Variants in C1GALT1C1 observed in about 807,000 individuals in gnomAD.
The protein encoded by C1GALT1C1 is C1GALT1-specific chaperone 1.
For synonymous variants in C1GALT1C1, 77 were observed against 77.9 expected (o/e 0.99, Z 0.06); for missense variants, 176 against 234.7 (o/e 0.75, Z 1.63).
intron 1 of C1GALT1C1, 137 bp from the exon 2 acceptor site, chrX:120,627,308 G>C (rs1927213268): frequency 2.5e-6 from 1 of 400,757 alleles, no homozygotes; most frequent in Admixed American, 5.0e-5. Flanking sequence ...AATCAAGTTA[G>C]TTGCATATAG....
At position 120,626,962 on chromosome X, in the gene C1GALT1C1, C is replaced by T. The variant is rs767681789; in HGVS notation, c.205G>A (p.Val69Ile). ...GGTTTTACAAGGATAATACAGTATA[C>T]TCGAAAGCTCTTACTGAGCTCCATG... ...ERMELSKSFR[V>I]YCIILVKPKD... The change falls in exon 2 of 2, where the codon GTA (valine) becomes ATA (isoleucine). Residue 69 changes from valine (V) to isoleucine (I), a missense_variant. By Grantham distance (29) the Val-to-Ile change is conservative (BLOSUM62 3). Transcript: ENST00000304661. 8.3e-7 allele frequency: 1 copy of T among 1,211,130 alleles called. No homozygotes were observed. The highest frequency in any genetic ancestry group is 1.8e-5 in the South Asian group (1 of 56,957).
At position 120,626,128 on chromosome X, in the gene C1GALT1C1, G is replaced by A; in HGVS notation, c.*82C>T. 1.1e-6 allele frequency: 1 copy of A among 871,808 alleles called. No individual in the cohort carries two copies. The highest frequency in any genetic ancestry group is 3.1e-5 in the East Asian group (1 of 32,117). 71.8% of individuals were successfully genotyped at this position (871,808 alleles called of 1,213,427 possible). ...AGAAAAGAAAAAGAAACATACAGCT[G>A]TATTGGATATGTAGTTACTACTACA... On this transcript the variant is annotated 3_prime_UTR_variant, in exon 2 of 2. Transcript: ENST00000304661.
Position 120,626,316 on chromosome X carries a change from T to G in C1GALT1C1, c.851A>C (p.Asn284Thr). 1 of 1,212,374 alleles carries G rather than the reference T, an allele frequency of 8.2e-7. No homozygotes were observed. Among genetic ancestry groups the G allele is most frequent in the African/African-American group, 1.7e-5 (1 of 58,054 alleles). The stretch of plus-strand genomic sequence containing the variant: ...CCCATACATCATCACATGCATCTGA[T>G]TTGGAGTCAGTCCATTAAAAGTAAC... ...MAVTFNGLTP[N>T]QMHVMMYGVY... The change falls in exon 2 of 2, where the codon AAT becomes ACT. Residue 284 changes from asparagine to threonine, a missense_variant. Transcript: ENST00000304661.
chrX:120,626,090 G>C lies in C1GALT1C1; in HGVS notation c.*120C>G. ...CTGACTTTAATGTGTGGTTATACCA[G>C]TGCCACCAAATTAGAAAAGAAAAAG... On this transcript the variant is annotated 3_prime_UTR_variant, in exon 2 of 2. Transcript: ENST00000304661. The C allele has an allele frequency of 1.5e-6, 1 of 683,412 alleles. No individual in the cohort carries two copies. Among genetic ancestry groups the C allele is most frequent in the East Asian group, 3.3e-5 (1 of 30,700 alleles). The allele number at this position is 683,412 out of a possible 1,213,427, so 56.3% of individuals were successfully genotyped here.
intron 1 of C1GALT1C1, among the ~76,000 whole-genome samples, chrX:120,628,912 A>G (rs1183646094): frequency 1.8e-5 from 2 of 112,022 alleles, no homozygotes; most frequent in Non-Finnish European, 3.8e-5. Flanking sequence ...GAGAAGTGAC[A>G]GAAAACAAGC....
At position 120,625,950 on chromosome X, in the gene C1GALT1C1, A is replaced by G. The variant is rs1033003076; in HGVS notation, c.*260T>C. The G allele has an allele frequency of 3.9e-5, 10 of 256,633 alleles. No individual in the cohort carries two copies. Among genetic ancestry groups the G allele is most frequent in the African/African-American group, 2.8e-4 (10 of 35,829 alleles). 21.1% of individuals were successfully genotyped at this position (256,633 alleles called of 1,213,427 possible). A position where few individuals can be genotyped will look rare whatever the true frequency, so the allele number is the denominator to read the frequency against. Reference sequence around the variant, plus strand: ...CATAATTTAGAATTTATCACATATAATATTTATTAATAGTTTATTTGCAAA... The same window carrying G: ...CATAATTTAGAATTTATCACATATAGTATTTATTAATAGTTTATTTGCAAA... On this transcript the variant is annotated 3_prime_UTR_variant, in exon 2 of 2. Coordinates refer to ENST00000304661, the MANE Select transcript of C1GALT1C1 (RefSeq NM_001011551.3).
chrX:120,629,173 G>C (rs1403026906), intron 1 of C1GALT1C1, among the ~76,000 whole-genome samples: 1 of 109,181 alleles, frequency 9.2e-6, no homozygotes, highest in Non-Finnish European at 1.9e-5. Flanking sequence ...GTTGCAGGCA[G>C]TGAGCCAAGA....
intron 1 of C1GALT1C1, 182 bp from the exon 2 acceptor site, chrX:120,627,353 G>A (rs1927215619): frequency 3.2e-6 from 1 of 311,299 alleles, no homozygotes; most frequent in African/African-American, 2.7e-5. Context: ...GCTTCCAATG[G>A]AATCTGATTA....
rs368394798 is a variant in C1GALT1C1, at chrX:120,626,573, G to A, written c.594C>T (p.Asn198=). 3.9e-5 allele frequency: 47 copies of A among 1,209,798 alleles called. No individual in the cohort carries two copies. Among genetic ancestry groups the A allele is most frequent in the Non-Finnish European group, 4.8e-5 (43 of 894,712 alleles). Residue 198 remains asparagine, a synonymous_variant, in exon 2 of 2, where the codon AAC becomes AAT. Coordinates refer to ENST00000304661, the MANE Select transcript of C1GALT1C1 (RefSeq NM_001011551.3). ...VLSVESMKRL[N]SLLNIPEKCP... ...ACTTTTCTGGGATATTGAGAAGGCT[G>A]TTAAGTCTTTTCATTGATTCTACAC...
intron 1 of C1GALT1C1, 179 bp from the exon 2 acceptor site, chrX:120,627,350 A>G (rs1889262209): frequency 3.2e-6 from 1 of 314,683 alleles, no homozygotes; most frequent in African/African-American, 2.6e-5. Context: ...TTAGCTTCCA[A>G]TGGAATCTGA....
At chrX:120,627,426 A>G (rs1415064478) in intron 1 of C1GALT1C1, 3 of 224,666 alleles carry the variant, frequency 1.3e-5, no homozygotes, top group Non-Finnish European at 2.4e-5. Flanking sequence ...TTTGCACTTC[A>G]TCTATGGGGA....
At chrX:120,628,837 G>A (rs755525096) in intron 1 of C1GALT1C1, among the ~76,000 whole-genome samples, 19 of 111,776 alleles carry the variant, frequency 1.7e-4, no homozygotes, top group Non-Finnish European at 3.0e-4. Context: ...GGTGGGTGGG[G>A]CAAGAGGCAG....
chrX:120,628,860 G>A (rs1927260606), intron 1 of C1GALT1C1, among the ~76,000 whole-genome samples: 1 of 111,793 alleles, frequency 8.9e-6, no homozygotes, highest in Non-Finnish European at 1.9e-5. Flanking sequence ...AGACTTTCCT[G>A]TGTCACTCAC....
Position 120,626,017 on chromosome X carries a change from G to A in C1GALT1C1, c.*193C>T. The A allele has an allele frequency of 2.9e-6, 1 of 344,676 alleles. No individual in the cohort carries two copies. The highest frequency in any genetic ancestry group is 5.1e-6 in the Non-Finnish European group (1 of 195,993). 28.4% of individuals were successfully genotyped at this position (344,676 alleles called of 1,213,427 possible). A position where few individuals can be genotyped will look rare whatever the true frequency, so the allele number is the denominator to read the frequency against. Reference sequence around the variant, plus strand: ...CACTTCTTTCCAACACATTTACAATGTTCATGTGTTTTAAAGAAAAAAACC... The same window carrying A: ...CACTTCTTTCCAACACATTTACAATATTCATGTGTTTTAAAGAAAAAAACC... On this transcript the variant is annotated 3_prime_UTR_variant, in exon 2 of 2. Coordinates refer to ENST00000304661, the MANE Select transcript of C1GALT1C1 (RefSeq NM_001011551.3).
rs746435505 is a variant in C1GALT1C1 at position 120,626,692 on chromosome X, A to G, written c.475T>C (p.Leu159=). Residue 159 remains leucine (L), a synonymous_variant, in exon 2 of 2, where the codon TTA becomes CTA. Transcript: ENST00000304661. The stretch of plus-strand genomic sequence containing the variant: ...AAAGGCTGTGATGGATCCTTTTTTA[A>G]CAAAAAATACTTTAGGTTTTCAATG... ...AIIENLKYFL[L]KKDPSQPFYL... is the part of the protein sequence containing the mutation. 1 of 1,210,862 alleles carries G rather than the reference A, an allele frequency of 8.3e-7. No individual in the cohort carries two copies. Among genetic ancestry groups the G allele is most frequent in the East Asian group, 3.0e-5 (1 of 33,845 alleles).
At position 120,626,141 on chromosome X, in the gene C1GALT1C1, A is replaced by T; in HGVS notation, c.*69T>A. On this transcript the variant is annotated 3_prime_UTR_variant, in exon 2 of 2. Transcript: ENST00000304661. ...AAACATACAGCTGTATTGGATATGT[A>T]GTTACTACTACAAATAATGACAACA... The T allele has an allele frequency of 1.0e-6, 1 of 953,826 alleles. No individual in the cohort carries two copies. The highest frequency in any genetic ancestry group is 1.5e-6 in the Non-Finnish European group (1 of 685,041). 78.6% of individuals were successfully genotyped at this position (953,826 alleles called of 1,213,427 possible).
chrX:120,626,527 T>C lies in C1GALT1C1; in HGVS notation c.640A>G (p.Ile214Val). 7 of 1,212,073 alleles carry C rather than the reference T, an allele frequency of 5.8e-6. No individual in the cohort carries two copies. The highest frequency in any genetic ancestry group is 7.8e-6 in the Non-Finnish European group (7 of 895,565). The change falls in exon 2 of 2, where the codon ATT (isoleucine) becomes GTT (valine). Residue 214 changes from isoleucine to valine, a missense_variant. Transcript: ENST00000304661. ...TGTTTATCTTCAGATATCTTCCAAA[T>C]CATCCCTCCCTGTTCAGGACACTTT... ...PEKCPEQGGM[I>V]WKISEDKQLA...
In C1GALT1C1 at chrX:120,626,657, G is replaced by A; in HGVS notation, c.510C>T (p.Gly170=). The A allele has an allele frequency of 8.3e-7, 1 of 1,209,277 alleles. No individual in the cohort carries two copies. Among genetic ancestry groups the A allele is most frequent in the Non-Finnish European group, 1.1e-6 (1 of 894,314 alleles). Reference sequence around the variant, plus strand: ...CAAGGTCTCCAGATTTTATAGTGTGGCCTAGATAGAAAGGCTGTGATGGAT... The same window carrying A: ...CAAGGTCTCCAGATTTTATAGTGTGACCTAGATAGAAAGGCTGTGATGGAT... The part of the protein sequence containing the change: ...KKDPSQPFYL[G]HTIKSGDLEY... Residue 170 remains glycine, a synonymous_variant, in exon 2 of 2, where the codon GGC becomes GGT. Coordinates refer to ENST00000304661, the MANE Select transcript of C1GALT1C1 (RefSeq NM_001011551.3).
At chrX:120,628,656 T>C (rs1602617148) in intron 1 of C1GALT1C1, among the ~76,000 whole-genome samples, 1 of 112,110 alleles carries the variant, frequency 8.9e-6, no homozygotes, top group Non-Finnish European at 1.9e-5. Context: ...CTTGTTTTCA[T>C]ACAAATGGGA....
Sources: allele counts gnomAD v4.1 joint callset (sites outside exome capture counted in the v4.1 genomes callset), GRCh38; gene constraint gnomAD v4.1.1; transcripts MANE v1.5; gene names NCBI Gene and HGNC (gene_info 2026-07-23, HGNC 2026-07-21).